PTPN21: variants seen among roughly 807,000 people sequenced by gnomAD.
PTPN21 encodes protein tyrosine phosphatase non-receptor type 21, also known as tyrosine-protein phosphatase non-receptor type 21.
A neutral mutation model predicts 131.8 loss-of-function variants in PTPN21; 77 were observed. The ratio of observed to expected loss-of-function variants is 0.58; its 90% CI spans 0.49 to 0.71. The LOEUF (loss-of-function observed/expected upper bound fraction) is 0.71, where lower values mean the gene tolerates loss of function less well. PTPN21 is among the 30% of genes least tolerant of loss of function. PTPN21 has a pLI of 0.00. For synonymous variants in PTPN21, 715 were observed against 621.3 expected (o/e 1.15, Z -2.24); for missense variants, 1,552 against 1,527.1 (o/e 1.02, Z -0.27).
Position 88,480,277 on chromosome 14 carries a change from A to T in PTPN21, c.1154T>A (p.Leu385His). Reference sequence around the variant, plus strand: ...ACTGCCATTACGGATCCGACCGTTGAGGTCAATCTGGGCTCTATCCAAGCT... The same window carrying T: ...ACTGCCATTACGGATCCGACCGTTGTGGTCAATCTGGGCTCTATCCAAGCT... ...QTSLDRAQID[L>H]NGRIRNGSVY... is the part of the protein sequence containing the mutation. The change falls in exon 13 of 19, where the codon CTC (leucine) becomes CAC (histidine). Residue 385 changes from leucine to histidine, a missense_variant. This residue lies in a region of PTPN21 where 1,016 missense variants were observed against 883.5 expected (regional missense o/e 1.15). Coordinates refer to ENST00000556564, the MANE Select transcript of PTPN21 (RefSeq NM_007039.4). 1 of 1,614,186 alleles carries T rather than the reference A, an allele frequency of 6.2e-7. No homozygotes were observed. Among genetic ancestry groups the T allele is most frequent in the Non-Finnish European group, 8.5e-7 (1 of 1,180,022 alleles).
intron 10 of PTPN21, among the ~76,000 whole-genome samples, chr14:88,493,744 A>G (rs2077861180): frequency 6.6e-6 from 1 of 151,786 alleles, no homozygotes; most frequent in Non-Finnish European, 1.5e-5. Flanking sequence ...GTGGGAATTG[A>G]GTGCAACATT....
chr14:88,529,293 CA>C (rs2078521953), intron 2 of PTPN21, among the ~76,000 whole-genome samples: 1 of 151,960 alleles, frequency 6.6e-6, no homozygotes, highest in Non-Finnish European at 1.5e-5. Flanking sequence ...GATATTAAAC[CA>C]ACCCTACATC....
chr14:88,552,220 G>T (rs2139372941), intron 1 of PTPN21: 1 of 152,360 alleles, frequency 6.6e-6, no homozygotes, highest in African/African-American at 2.4e-5. Flanking sequence ...CCTCTCCTGG[G>T]TCCTGCTCTC....
intron 1 of PTPN21, chr14:88,551,837 G>A (rs1231415476): frequency 6.6e-6 from 1 of 152,274 alleles, no homozygotes; most frequent in Non-Finnish European, 1.5e-5. Flanking sequence ...CCACCAAGCC[G>A]GGCTCTAACA....
At chr14:88,496,025 T>C (rs573337846) in intron 10 of PTPN21, among the ~76,000 whole-genome samples, 13 of 152,312 alleles carry the variant, frequency 8.5e-5, no homozygotes, top group South Asian at 4.1e-4. Flanking sequence ...GTGTGCTTTA[T>C]TGATCTGGCA....
At chr14:88,529,956 G>T (rs2078531509) in intron 2 of PTPN21, among the ~76,000 whole-genome samples, 1 of 151,710 alleles carries the variant, frequency 6.6e-6, no homozygotes, top group Non-Finnish European at 1.5e-5. Context: ...ACTTCAGTCT[G>T]GGCGACAGAG....
chr14:88,544,844 T>C (rs747598727), intron 2 of PTPN21, among the ~76,000 whole-genome samples: 16 of 152,222 alleles, frequency 1.1e-4, no homozygotes, highest in Non-Finnish European at 1.6e-4. Context: ...TTCTTTTTTT[T>C]TGAGACAGAG....
intron 2 of PTPN21, among the ~76,000 whole-genome samples, chr14:88,540,569 T>C (rs1211950967): frequency 2.0e-5 from 3 of 152,246 alleles, no homozygotes; most frequent in African/African-American, 7.2e-5. Flanking sequence ...TGGTATAAAG[T>C]TCAATGTGCT....
intron 12 of PTPN21, among the ~76,000 whole-genome samples, chr14:88,482,269 T>A (rs971268674): frequency 7.9e-5 from 12 of 151,978 alleles, no homozygotes; most frequent in African/African-American, 2.9e-4. Flanking sequence ...ACTTGGGAAG[T>A]AAGGTTGGAA....
At chr14:88,497,372 G>T in intron 8 of PTPN21, 82 bp from the exon 9 acceptor site, 1 of 1,094,260 alleles carries the variant, frequency 9.1e-7, no homozygotes, top group Non-Finnish European at 1.4e-6. Context: ...TTTTCCCTAA[G>T]CCTGACGTGT....
intron 2 of PTPN21, among the ~76,000 whole-genome samples, chr14:88,532,990 A>G (rs2078575468): frequency 6.6e-6 from 1 of 152,234 alleles, no homozygotes; most frequent in Non-Finnish European, 1.5e-5. Context: ...AGCACTCCAA[A>G]TAGTTTGGAC....
At chr14:88,499,416 A>G (rs929378462) in intron 8 of PTPN21, 2 of 152,306 alleles carry the variant, frequency 1.3e-5, no homozygotes, top group South Asian at 2.1e-4. Flanking sequence ...AAGCTTGAGT[A>G]GTGTGTGTGT....
Position 88,468,283 on chromosome 14 carries a change from G to T in PTPN21, c.3397-18C>A. 6.3e-7 allele frequency: 1 copy of T among 1,582,562 alleles called. No homozygotes were observed. The highest frequency in any genetic ancestry group is 1.4e-5 in the African/African-American group (1 of 73,376). On this transcript the variant is annotated intron_variant, in intron 18 of 18. Transcript: ENST00000556564. ...TCCAGCACCTAGGTTGAGAGAAACG[G>T]TAATGAAGATAATGTGTTCCCCTGG...
intron 3 of PTPN21, chr14:88,515,262 T>C (rs1011348771): frequency 6.6e-6 from 1 of 152,224 alleles, no homozygotes. Context: ...GGTGCTCCTA[T>C]ACCTAATCGA....
At chr14:88,553,307 CT>C in intron 1 of PTPN21, among the ~76,000 whole-genome samples, 1 of 152,120 alleles carries the variant, frequency 6.6e-6, no homozygotes, top group Non-Finnish European at 1.5e-5. Flanking sequence ...GAATGGCTTG[CT>C]TTTTGCTTAT....
chr14:88,543,452 T>C (rs1466774817), intron 2 of PTPN21, among the ~76,000 whole-genome samples: 1 of 152,214 alleles, frequency 6.6e-6, no homozygotes, highest in Non-Finnish European at 1.5e-5. Flanking sequence ...AATGTTTACC[T>C]CTCTCCAGGA....
intron 10 of PTPN21, chr14:88,492,876 C>A: frequency 6.0e-6 from 2 of 334,492 alleles, no homozygotes; most frequent in Admixed American, 8.8e-5. Flanking sequence ...GGGCACCTTG[C>A]CAGACAGGGG....
chr14:88,543,352 C>T (rs2078732513), intron 2 of PTPN21, among the ~76,000 whole-genome samples: 1 of 152,138 alleles, frequency 6.6e-6, no homozygotes, highest in African/African-American at 2.4e-5. Context: ...ACAACTAGAT[C>T]ACTTTCTAAG....
At chr14:88,538,704 T>C (rs939379849) in intron 2 of PTPN21, among the ~76,000 whole-genome samples, 1 of 152,156 alleles carries the variant, frequency 6.6e-6, no homozygotes, top group Non-Finnish European at 1.5e-5. Flanking sequence ...CACCTGTCAT[T>C]TGTCAAAGGT....
Sources: gnomAD v4.1 joint callset for allele counts (sites outside exome capture counted in the v4.1 genomes callset) on GRCh38, gnomAD v4.1.1 for gene constraint, gnomAD v4.1.1 regional missense constraint, MANE v1.5 for transcripts, NCBI Gene and HGNC (gene_info 2026-07-23, HGNC 2026-07-21) for gene names.